The following DLGAP2 variants were observed in gnomAD, a reference collection of about 807,000 sequenced individuals.
The protein encoded by DLGAP2 is disks large-associated protein 2.
Under a neutral mutation model 100.3 loss-of-function variants are expected in DLGAP2, and 26 were observed. That is an observed-to-expected ratio of 0.26 (90% confidence interval 0.19 to 0.36). The LOEUF is 0.36. DLGAP2 is among the 10% of genes least tolerant of loss of function. The pLI, the probability that DLGAP2 is intolerant of heterozygous loss-of-function variation, is 1.00. For missense variants in DLGAP2, 1,858 were observed against 1,453.2 expected (o/e 1.28, Z -4.53); for synonymous variants, 886 against 630.1 (o/e 1.41, Z -6.08).
chr8:1,043,434 G>T (rs1802429652), intron 2 of DLGAP2, among the ~76,000 whole-genome samples: 2 of 151,392 alleles, frequency 1.3e-5, no homozygotes, highest in Admixed American at 6.6e-5. Context: ...GGTGGATGTG[G>T]CTCACGGGTG....
At chr8:1,423,513 C>T (rs984388310) in intron 3 of DLGAP2, among the ~76,000 whole-genome samples, 1 of 152,260 alleles carries the variant, frequency 6.6e-6, no homozygotes, top group Non-Finnish European at 1.5e-5. Flanking sequence ...GTCAAGGCAT[C>T]AGCGCTTTCA....
intron 4 of DLGAP2, among the ~76,000 whole-genome samples, chr8:1,510,183 G>T (rs915868417): frequency 1.3e-5 from 2 of 152,230 alleles, no homozygotes; most frequent in African/African-American, 4.8e-5. Context: ...TCCCTGGGAG[G>T]TATTTGTGAT....
At chr8:1,328,873 G>T (rs1801084145) in intron 3 of DLGAP2, among the ~76,000 whole-genome samples, 1 of 152,214 alleles carries the variant, frequency 6.6e-6, no homozygotes, top group Non-Finnish European at 1.5e-5. Context: ...TCGGTGGTTT[G>T]CTGAGAAATG....
chr8:1,231,300 C>G (rs572408997), intron 2 of DLGAP2, among the ~76,000 whole-genome samples: 17 of 152,172 alleles, frequency 1.1e-4, no homozygotes, highest in Non-Finnish European at 1.6e-4. Flanking sequence ...CCATCTCACG[C>G]CAGTCAGAAT....
rs76381318 is a variant in DLGAP2, at chr8:1,337,852, G to C, written c.106+78969G>C. ...AGAATTCTTCCAATTCAGTGAAAAA[G>C]ACCAGTCAAATTAAAAATGGGCAAA... On this transcript the variant is annotated intron_variant, in intron 3 of 14. Coordinates refer to ENST00000637795, the MANE Select transcript of DLGAP2 (RefSeq NM_001346810.2). Among the ~76,000 whole-genome samples the C allele has an allele frequency of 1.8e-3, 273 of 152,272 alleles. 2 individuals are homozygous for C. Among genetic ancestry groups the C allele is most frequent in the Middle Eastern group, 6.8e-3 (2 of 294 alleles).
intron 2 of DLGAP2, among the ~76,000 whole-genome samples, chr8:1,128,094 C>T (rs1415206944): frequency 1.3e-5 from 2 of 152,176 alleles, no homozygotes; most frequent in African/African-American, 4.8e-5. Context: ...CCATGAGGAC[C>T]TGCTCCCCGT....
At chr8:1,697,094 C>G in intron 13 of DLGAP2, 53 bp from the exon 14 acceptor site, 1 of 1,466,760 alleles carries the variant, frequency 6.8e-7, no homozygotes. Flanking sequence ...CCTCCCCAGC[C>G]CTGTGCCCGC....
intron 6 of DLGAP2, among the ~76,000 whole-genome samples, chr8:1,597,215 T>C (rs1367422047): frequency 2.6e-5 from 4 of 152,336 alleles, no homozygotes; most frequent in Middle Eastern, 3.4e-3. Flanking sequence ...TTCTGTTCCA[T>C]TGGCCTATGT....
At chr8:1,263,458 A>G (rs571851962) in intron 3 of DLGAP2, among the ~76,000 whole-genome samples, 1 of 152,190 alleles carries the variant, frequency 6.6e-6, no homozygotes, top group African/African-American at 2.4e-5. Flanking sequence ...CCTATATTTT[A>G]TCACAACTAG....
intron 2 of DLGAP2, among the ~76,000 whole-genome samples, chr8:1,183,384 G>A (rs1797432614): frequency 6.6e-6 from 1 of 152,220 alleles, no homozygotes; most frequent in African/African-American, 2.4e-5. Context: ...GCAGTGCTTG[G>A]TGTGTGCAAG....
chr8:816,471 T>C (rs113926352), intron 1 of DLGAP2, among the ~76,000 whole-genome samples: 2,659 of 152,288 alleles, frequency 0.017, 47 homozygotes, highest in Non-Finnish European at 0.022. Flanking sequence ...TATCTTTCCT[T>C]CATTTACGAA....
chr8:1,113,315 T>A (rs896105099), intron 2 of DLGAP2, among the ~76,000 whole-genome samples: 5 of 152,238 alleles, frequency 3.3e-5, no homozygotes, highest in African/African-American at 1.2e-4. Context: ...TTTAATTAAG[T>A]TGATGCTTTC....
At chr8:984,810 A>T (rs955332579) in intron 2 of DLGAP2, among the ~76,000 whole-genome samples, 1 of 152,202 alleles carries the variant, frequency 6.6e-6, no homozygotes, top group Non-Finnish European at 1.5e-5. Context: ...CAATGAATGC[A>T]AGTGGCATAA....
chr8:1,275,110 C>T (rs1385243218), intron 3 of DLGAP2, among the ~76,000 whole-genome samples: 2 of 152,158 alleles, frequency 1.3e-5, no homozygotes, highest in Admixed American at 1.3e-4. Context: ...AATTTAATTT[C>T]GAGCACTGGC....
At chr8:1,087,270 T>C (rs1464383542) in intron 2 of DLGAP2, among the ~76,000 whole-genome samples, 2 of 152,184 alleles carry the variant, frequency 1.3e-5, no homozygotes, top group Admixed American at 6.5e-5. Context: ...CATTCTGAAG[T>C]CTTTCCTCTC....
chr8:822,569 A>C (rs1246342080), intron 1 of DLGAP2, among the ~76,000 whole-genome samples: 1 of 152,188 alleles, frequency 6.6e-6, no homozygotes, highest in Non-Finnish European at 1.5e-5. Context: ...GGGCCACGTC[A>C]CTGCGTGTGC....
chr8:1,172,453 C>T (rs1032801012), intron 2 of DLGAP2, among the ~76,000 whole-genome samples: 1 of 152,042 alleles, frequency 6.6e-6, no homozygotes, highest in African/African-American at 2.4e-5. Flanking sequence ...TGGGGAAGTT[C>T]TCCTGGATAA....
chr8:1,044,881 G>T (rs528524443), intron 2 of DLGAP2, among the ~76,000 whole-genome samples: 1 of 152,256 alleles, frequency 6.6e-6, no homozygotes, highest in East Asian at 1.9e-4. Flanking sequence ...CTTCCCTCTT[G>T]TTCTGAATAT....
At chr8:964,780 T>C (rs1553410) in intron 2 of DLGAP2, among the ~76,000 whole-genome samples, 61,714 of 152,128 alleles carry the variant, frequency 0.41, 13,070 homozygotes, top group Admixed American at 0.54. Context: ...GCCACACTTC[T>C]TGCTGCTCTG....
Sources: gnomAD v4.1 joint callset for allele counts (sites outside exome capture counted in the v4.1 genomes callset) on GRCh38, gnomAD v4.1.1 for gene constraint, MANE v1.5 for transcripts, NCBI Gene and HGNC (gene_info 2026-07-23, HGNC 2026-07-21) for gene names.